The following SMARCA2 variants were observed in gnomAD, a reference collection of about 807,000 sequenced individuals.
SMARCA2 encodes SWI/SNF-related matrix-associated actin-dependent regulator of chromatin subfamily A member 2.
In SMARCA2, 61 loss-of-function variants were observed where a neutral mutation model predicts 199.8. The observed-to-expected ratio is 0.31, with a 90% CI of 0.25 to 0.38. The LOEUF is 0.38. Among genes scored for constraint, SMARCA2 ranks in the 10% least tolerant of loss-of-function variants. The pLI is 1.00. For missense variants in SMARCA2, 1,344 were observed against 2,012.2 expected (o/e 0.67, Z 6.35); for synonymous variants, 935 against 732.0 (o/e 1.28, Z -4.48).
At chr9:2,055,985 T>C (rs757457955) in intron 6 of SMARCA2, among the ~76,000 whole-genome samples, 1 of 152,252 alleles carries the variant, frequency 6.6e-6, no homozygotes, top group African/African-American at 2.4e-5. Context: ...TAACTAATGA[T>C]ATTTCAGATG....
At chr9:2,184,665 TAAGCAGAAAATTGACATCAA>T (rs902865596) in intron 31 of SMARCA2, among the ~76,000 whole-genome samples, 1 of 152,144 alleles carries the variant, frequency 6.6e-6, no homozygotes, top group African/African-American at 2.4e-5. Context: ...GACAATATCT[TAAGCAGAAAATTGACATCAA>T]TACAATTCCC....
chr9:2,119,966 T>A lies in SMARCA2; in HGVS notation c.3762+431T>A, dbSNP rs1823382469. Reference sequence around the variant, plus strand: ...ATTCAGGAAGCCTACCTGGCTCCTATAGGCATTGGAACTTACAACAGTGCC... The same window carrying A: ...ATTCAGGAAGCCTACCTGGCTCCTAAAGGCATTGGAACTTACAACAGTGCC... On this transcript the variant is annotated intron_variant, in intron 26 of 33. Coordinates refer to ENST00000349721, the MANE Select transcript of SMARCA2 (RefSeq NM_003070.5). This position sits in a 1 kb window ranked among gnomAD's most constrained non-coding sequence, Gnocchi z 4.6. Among the ~76,000 whole-genome samples the A allele has an allele frequency of 6.6e-6, 1 of 152,214 alleles. No homozygotes were observed. Among genetic ancestry groups the A allele is most frequent in the Non-Finnish European group, 1.5e-5 (1 of 68,030 alleles).
Position 2,193,370 on chromosome 9 carries a change from TAAAAAA to T in SMARCA2, c.*634_*639del, listed in dbSNP as rs888331676. 2.0e-5 allele frequency: 3 copies of T among 152,568 alleles called. No homozygotes were observed. Among genetic ancestry groups the T allele is most frequent in the Non-Finnish European group, 4.4e-5 (3 of 68,040 alleles). 9.5% of individuals were successfully genotyped at this position (152,568 alleles called of 1,614,324 possible). On this transcript the variant is annotated 3_prime_UTR_variant, in exon 34 of 34. Transcript: ENST00000349721. ...TTGCTTAATTTTTTTGCTCTTGATT[TAAAAAA>T]AAGTTTTGTTGAAAGCGCTATTGAA...
intron 8 of SMARCA2, among the ~76,000 whole-genome samples, 158 bp downstream of exon 8, chr9:2,058,622 T>C (rs1170677527): frequency 6.6e-6 from 1 of 152,186 alleles, no homozygotes; most frequent in Non-Finnish European, 1.5e-5. Flanking sequence ...GTAAAAACTT[T>C]TTCTCTTTCC....
chr9:2,020,872 G>A (rs1470695851), intron 1 of SMARCA2, among the ~76,000 whole-genome samples: 1 of 152,100 alleles, frequency 6.6e-6, no homozygotes, highest in Admixed American at 6.5e-5. Context: ...TTGGAGTGAT[G>A]GTTTAGATAT....
intron 9 of SMARCA2, among the ~76,000 whole-genome samples, chr9:2,069,903 C>A (rs774436875): frequency 2.0e-5 from 3 of 152,008 alleles, no homozygotes; most frequent in Non-Finnish European, 4.4e-5. Context: ...ATCATCGTAC[C>A]CAATAATTAG....
intron 1 of SMARCA2, among the ~76,000 whole-genome samples, chr9:2,022,432 T>A (rs924756255): frequency 6.6e-6 from 1 of 152,230 alleles, no homozygotes; most frequent in Non-Finnish European, 1.5e-5. Flanking sequence ...GTTGATTTTT[T>A]AAAAGGCATA....
chr9:2,070,157 G>T (rs1035476815), intron 9 of SMARCA2, among the ~76,000 whole-genome samples: 7 of 152,108 alleles, frequency 4.6e-5, no homozygotes, highest in Non-Finnish European at 8.8e-5. Flanking sequence ...AAGCTCTTTG[G>T]GTCCCTGAAG....
intron 19 of SMARCA2, among the ~76,000 whole-genome samples, chr9:2,090,707 C>G (rs999179844): frequency 1.3e-5 from 2 of 152,162 alleles, no homozygotes; most frequent in African/African-American, 2.4e-5. Flanking sequence ...TCTTGAAGCT[C>G]TTTCTCGCTG....
At chr9:2,088,643 T>G in intron 19 of SMARCA2, 30 bp downstream of exon 19, 1 of 1,488,126 alleles carries the variant, frequency 6.7e-7, no homozygotes. Context: ...GTTGTGGGTT[T>G]TTTTTTTCCT....
At chr9:2,152,310 G>C (rs186582590) in intron 27 of SMARCA2, among the ~76,000 whole-genome samples, 2 of 152,360 alleles carry the variant, frequency 1.3e-5, no homozygotes, top group East Asian at 3.9e-4. Context: ...CCAGCACTTT[G>C]GGTGGCCGGG....
chr9:2,039,933 A>T lies in SMARCA2; in HGVS notation c.790+33A>T. 6.2e-7 allele frequency: 1 copy of T among 1,608,526 alleles called. No homozygotes were observed. The highest frequency in any genetic ancestry group is 8.5e-7 in the Non-Finnish European group (1 of 1,177,502). On this transcript the variant is annotated intron_variant, in intron 4 of 33. Coordinates refer to ENST00000349721, the MANE Select transcript of SMARCA2 (RefSeq NM_003070.5). This position sits in a 1 kb window ranked among gnomAD's most constrained non-coding sequence, Gnocchi z 4.8. ...AATACGCAACCAAATGAATAATGCC[A>T]TGGTCCAACTCGGATAACAAAGACT...
chr9:2,038,403 A>G (rs1387602935), intron 3 of SMARCA2, among the ~76,000 whole-genome samples: 1 of 152,170 alleles, frequency 6.6e-6, no homozygotes, highest in South Asian at 2.1e-4. Flanking sequence ...TCCTGTGCCC[A>G]GAACCACTGT....
At chr9:2,117,378 C>T (rs1823259459) in intron 25 of SMARCA2, among the ~76,000 whole-genome samples, 1 of 152,210 alleles carries the variant, frequency 6.6e-6, no homozygotes, top group African/African-American at 2.4e-5. Context: ...CACATGCACT[C>T]ACTATCCACA....
chr9:2,139,759 G>GT (rs1364426654), intron 27 of SMARCA2, among the ~76,000 whole-genome samples: 4 of 152,188 alleles, frequency 2.6e-5, no homozygotes, highest in African/African-American at 9.7e-5. Context: ...GTCTACAGGA[G>GT]TAACTGGGGA....
intron 13 of SMARCA2, among the ~76,000 whole-genome samples, chr9:2,077,205 C>T (rs1239469798): frequency 1.3e-5 from 2 of 152,136 alleles, no homozygotes; most frequent in Non-Finnish European, 2.9e-5. Context: ...CCCTGCCCTC[C>T]CAGCTTTAGC....
intron 27 of SMARCA2, chr9:2,160,631 A>G: frequency 4.3e-6 from 3 of 702,098 alleles, no homozygotes; most frequent in Non-Finnish European, 7.8e-6. Flanking sequence ...TAATTGCCTT[A>G]TGATTAGAGC....
intron 19 of SMARCA2, among the ~76,000 whole-genome samples, chr9:2,093,393 G>A (rs1332759978): frequency 6.6e-6 from 1 of 152,204 alleles, no homozygotes; most frequent in Non-Finnish European, 1.5e-5. Flanking sequence ...TATGTGGTAG[G>A]TACGTATGTG....
Position 2,121,255 on chromosome 9 carries a change from C to T in SMARCA2, c.3762+1720C>T, listed in dbSNP as rs538353879. The stretch of plus-strand genomic sequence containing the variant: ...GAAACAATCTGAATATCTTGGAAGG[C>T]ACAGCCTTCTTTTAATTTGGGACTA... On this transcript the variant is annotated intron_variant, in intron 26 of 33. Coordinates refer to ENST00000349721, the MANE Select transcript of SMARCA2 (RefSeq NM_003070.5). Among the ~76,000 whole-genome samples, 3 of 152,332 alleles carry T rather than the reference C, an allele frequency of 2.0e-5. No homozygotes were observed. In the South Asian group the frequency reaches 6.2e-4, roughly 32 times the overall value.
Sources: allele counts gnomAD v4.1 joint callset (sites outside exome capture counted in the v4.1 genomes callset), GRCh38; gene constraint gnomAD v4.1.1; non-coding constraint Gnocchi (gnomAD v3.1); transcripts MANE v1.5; gene names NCBI Gene and HGNC (gene_info 2026-07-23, HGNC 2026-07-21).